Variants in DIAPH2 observed in about 807,000 individuals in gnomAD.
DIAPH2 encodes the protein protein diaphanous homolog 2.
In DIAPH2, 35 loss-of-function variants were observed where a neutral mutation model predicts 92.7. The observed-to-expected ratio is 0.38, with a 90% CI of 0.29 to 0.50. DIAPH2 has a LOEUF of 0.50. Ranked by LOEUF, DIAPH2 falls within the 20% of genes least tolerant of loss-of-function variation. The pLI, the probability that DIAPH2 is intolerant of heterozygous loss-of-function variation, is 0.94. For missense variants in DIAPH2, 701 were observed against 819.5 expected, an observed-to-expected ratio of 0.86 and a Z score of 1.77; for synonymous variants, 301 against 280.4, an observed-to-expected ratio of 1.07 and a Z score of -0.73.
At chrX:97,286,075 C>G (rs1414482904) in intron 23 of DIAPH2, among the ~76,000 whole-genome samples, 14 of 96,018 alleles carry the variant, frequency 1.5e-4, no homozygotes, top group African/African-American at 5.5e-4. Context: ...GAGTCTGGTT[C>G]TGTCGCCCAG....
At chrX:97,437,084 A>G (rs1408478845) in intron 26 of DIAPH2, among the ~76,000 whole-genome samples, 4 of 111,461 alleles carry the variant, frequency 3.6e-5, no homozygotes, top group Non-Finnish European at 5.6e-5. Context: ...ATCCCACGTA[A>G]TACTCAGCAT....
At chrX:96,727,694 A>C (rs1297501543) in intron 1 of DIAPH2, among the ~76,000 whole-genome samples, 2 of 111,873 alleles carry the variant, frequency 1.8e-5, no homozygotes, top group Non-Finnish European at 3.8e-5. Flanking sequence ...ATTATGTGCC[A>C]GCTACTGTTC....
chrX:97,222,172 AGAT>A (rs56742311), intron 22 of DIAPH2, among the ~76,000 whole-genome samples: 8,672 of 103,978 alleles, frequency 0.083, 791 homozygotes, highest in African/African-American at 0.26. Flanking sequence ...GGGAGGGTCT[AGAT>A]GATGATGATG....
At chrX:97,245,938 T>C (rs934204757) in intron 22 of DIAPH2, among the ~76,000 whole-genome samples, 3 of 108,321 alleles carry the variant, frequency 2.8e-5, no homozygotes, top group African/African-American at 1.0e-4. Context: ...ATTTCATTCT[T>C]GTTGCCCAGG....
intron 21 of DIAPH2, among the ~76,000 whole-genome samples, chrX:97,118,793 A>C (rs2067033651): frequency 8.9e-6 from 1 of 112,294 alleles, no homozygotes; most frequent in African/African-American, 3.2e-5. Flanking sequence ...GGTAGGATTA[A>C]GAATCTATAA....
At chrX:97,263,609 C>T (rs922257300) in intron 23 of DIAPH2, among the ~76,000 whole-genome samples, 2 of 106,825 alleles carry the variant, frequency 1.9e-5, no homozygotes, top group Non-Finnish European at 3.8e-5. Flanking sequence ...ATTTTTGAGA[C>T]AGAGTCTTGC....
At chrX:97,448,044 C>A (rs775379562) in intron 26 of DIAPH2, among the ~76,000 whole-genome samples, 1 of 112,096 alleles carries the variant, frequency 8.9e-6, no homozygotes, top group Non-Finnish European at 1.9e-5. Flanking sequence ...AGAAAATTAG[C>A]TAAATCCTTT....
intron 4 of DIAPH2, among the ~76,000 whole-genome samples, chrX:96,771,502 G>T (rs1293698447): frequency 9.0e-6 from 1 of 111,354 alleles, no homozygotes; most frequent in Non-Finnish European, 1.9e-5. Flanking sequence ...AAAAAATTTT[G>T]ATCATCTATG....
chrX:97,084,501 C>T (rs1214637379), intron 19 of DIAPH2, among the ~76,000 whole-genome samples: 3 of 111,004 alleles, frequency 2.7e-5, no homozygotes, highest in African/African-American at 9.8e-5. Flanking sequence ...GATAATTCTC[C>T]TGGGGCTTCT....
intron 21 of DIAPH2, among the ~76,000 whole-genome samples, chrX:97,129,436 A>G (rs1231239484): frequency 9.0e-6 from 1 of 110,648 alleles, no homozygotes; most frequent in Non-Finnish European, 1.9e-5. Context: ...GAGTGCTGGG[A>G]TTACAGGCAT....
intron 4 of DIAPH2, among the ~76,000 whole-genome samples, chrX:96,856,175 C>A (rs886435449): frequency 2.7e-5 from 3 of 111,743 alleles, no homozygotes; most frequent in Non-Finnish European, 5.6e-5. Flanking sequence ...ATATCTAATT[C>A]TCCATGCCAT....
At chrX:97,533,475 C>T (rs367829042) in intron 26 of DIAPH2, 2 of 110,480 alleles carry the variant, frequency 1.8e-5, no homozygotes, top group South Asian at 3.9e-4. Flanking sequence ...TAGAAGATTC[C>T]TCAATTTGTA....
intron 26 of DIAPH2, among the ~76,000 whole-genome samples, chrX:97,485,118 G>A (rs1317083596): frequency 9.0e-6 from 1 of 111,702 alleles, no homozygotes; most frequent in African/African-American, 3.3e-5. Flanking sequence ...AAAAATGTCT[G>A]GGATGTCAAT....
intron 17 of DIAPH2, among the ~76,000 whole-genome samples, chrX:97,068,036 T>C (rs2066645081): frequency 8.9e-6 from 1 of 112,099 alleles, no homozygotes. Flanking sequence ...GAATATTTAC[T>C]GTCAACCATT....
chrX:97,508,256 G>C (rs918054546), intron 26 of DIAPH2, among the ~76,000 whole-genome samples: 5 of 111,358 alleles, frequency 4.5e-5, no homozygotes, highest in South Asian at 3.8e-4. Flanking sequence ...ACTATACACT[G>C]CCTCTTAGAT....
chrX:97,458,800 T>C (rs1210224024), intron 26 of DIAPH2, among the ~76,000 whole-genome samples: 1 of 112,011 alleles, frequency 8.9e-6, no homozygotes, highest in African/African-American at 3.2e-5. Flanking sequence ...GAAGGTACAT[T>C]TCATATAATG....
rs363794 is a variant in DIAPH2 at position 97,600,746 on chromosome X, A to AAAT, written c.*1431_*1433dup. The AAAT allele has an allele frequency of 0.34, 37,894 of 110,390 alleles. 4,989 individuals carry two copies. The highest frequency in any genetic ancestry group is 0.59 in the South Asian group (1,533 of 2,600). 9.1% of individuals were successfully genotyped at this position (110,390 alleles called of 1,213,427 possible). A position where few individuals can be genotyped will look rare whatever the true frequency, so the allele number is the denominator to read the frequency against. On this transcript the variant is annotated 3_prime_UTR_variant, in exon 27 of 27. Coordinates refer to ENST00000324765, the MANE Select transcript of DIAPH2 (RefSeq NM_006729.5). ...CTTACATGTATATTTCTTATGTAGA[A>AAAT]AATACTGTTTCTACTCATTCAAAGC... is the stretch of plus-strand genomic sequence containing the variant.
chrX:96,803,810 C>T (rs1039199298), intron 4 of DIAPH2, among the ~76,000 whole-genome samples: 3 of 111,772 alleles, frequency 2.7e-5, no homozygotes, highest in African/African-American at 6.5e-5. Flanking sequence ...GAGGCTGAGG[C>T]GGGCAGATCA....
chrX:96,958,915 TC>T lies in DIAPH2; in HGVS notation c.1935+768del, dbSNP rs779575101. Among the ~76,000 whole-genome samples, 669 of 112,123 alleles carry T rather than the reference TC, an allele frequency of 6.0e-3. 11 individuals carry two copies. The highest frequency in any genetic ancestry group is 0.02 in the African/African-American group (635 of 30,988). ...ATTGCTGCAAATGACAGGATTTCAG[TC>T]TTTTTTATAGTTGAATGGTATTCCA... On this transcript the variant is annotated intron_variant, in intron 16 of 26. Transcript: ENST00000324765.
Sources: gnomAD v4.1 joint callset for allele counts (sites outside exome capture counted in the v4.1 genomes callset) on GRCh38, gnomAD v4.1.1 for gene constraint, MANE v1.5 for transcripts, NCBI Gene and HGNC (gene_info 2026-07-23, HGNC 2026-07-21) for gene names.